The following ZNF208 variants were observed in gnomAD, a reference collection of about 807,000 sequenced individuals.
ZNF208 encodes the protein zinc finger protein 208.
ZNF208 carries 10 observed loss-of-function variants against 12.1 expected under a neutral mutation model. That is an observed-to-expected ratio of 0.83 (90% confidence interval 0.51 to 1.40). The LOEUF (loss-of-function observed/expected upper bound fraction) is 1.40. Ranked by LOEUF, ZNF208 falls within the 40% of genes most tolerant of loss-of-function variation. ZNF208 has a pLI of 0.00. For missense variants in ZNF208, 1,652 were observed against 1,485.0 expected, an observed-to-expected ratio of 1.11 and a Z score of -1.85; for synonymous variants, 497 against 488.4, an observed-to-expected ratio of 1.02 and a Z score of -0.23.
At chr19:21,983,008 A>T (rs1177508367) in intron 3 of ZNF208, among the ~76,000 whole-genome samples, 5 of 152,234 alleles carry the variant, frequency 3.3e-5, no homozygotes, top group Non-Finnish European at 2.9e-5. Context: ...GCCAAAATTG[A>T]CAAATGAAAC....
At chr19:21,979,336 G>T (rs899680546) in intron 3 of ZNF208, among the ~76,000 whole-genome samples, 1 of 152,160 alleles carries the variant, frequency 6.6e-6, no homozygotes, top group Non-Finnish European at 1.5e-5. Flanking sequence ...AGAAAGGTCG[G>T]GTTACCCATA....
chr19:22,009,135 C>CT, intron 1 of ZNF208, among the ~76,000 whole-genome samples: 1 of 152,248 alleles, frequency 6.6e-6, no homozygotes, highest in Non-Finnish European at 1.5e-5. Flanking sequence ...GAAAACAAAT[C>CT]TTTTTAAATG....
intron 1 of ZNF208, chr19:21,998,684 C>T (rs538830388): frequency 2.0e-5 from 3 of 152,228 alleles, no homozygotes; most frequent in African/African-American, 7.2e-5. Context: ...GATCCACCCC[C>T]CTTGGCCTCC....
In ZNF208 at chr19:21,946,793, G is replaced by A. The variant is rs539994219; in HGVS notation, c.306-13556C>T. ...CTGTTCTAATCCAGTTTCCTTTCAC[G>A]AAGGGCCTACCCATTGTGTGGAACA... is the stretch of plus-strand genomic sequence containing the variant. On this transcript the variant is annotated intron_variant, in intron 4 of 4. Coordinates refer to the ZNF208 transcript ENST00000599916. Among the ~76,000 whole-genome samples the A allele has an allele frequency of 2.5e-4, 38 of 152,128 alleles. No individual in the cohort carries two copies. The East Asian group carries it at 2.5e-3, about 10-fold the overall frequency.
intron 3 of ZNF208, chr19:21,986,885 G>A (rs544956859): frequency 2.5e-6 from 1 of 403,562 alleles, no homozygotes; most frequent in African/African-American, 2.1e-5. Flanking sequence ...AGTTTAACAT[G>A]GAGTATCTTA....
intron 1 of ZNF208, among the ~76,000 whole-genome samples, chr19:21,993,835 G>GA (rs199539543): frequency 8.9e-5 from 13 of 146,696 alleles, no homozygotes; most frequent in East Asian, 2.0e-4. Context: ...GTTTGCAGAG[G>GA]AAAAAAAAAA....
downstream of ZNF208, among the ~76,000 whole-genome samples, chr19:21,963,321 T>C (rs10417635): frequency 6.6e-6 from 1 of 152,014 alleles, no homozygotes; most frequent in Non-Finnish European, 1.5e-5. Flanking sequence ...TCCTGGAATA[T>C]TGAAATTTTT....
At chr19:21,962,697 G>A (rs968146027), downstream of ZNF208, among the ~76,000 whole-genome samples, 1 of 152,058 alleles carries the variant, frequency 6.6e-6, no homozygotes, top group Non-Finnish European at 1.5e-5. Context: ...TAGCATGACA[G>A]CAACTTCTCA....
chr19:21,980,122 G>A (rs6511305), intron 3 of ZNF208, among the ~76,000 whole-genome samples: 88,645 of 151,556 alleles, frequency 0.58, 26,161 homozygotes, highest in East Asian at 0.69. Flanking sequence ...CCATACTATA[G>A]TAGTGGGAGA....
At position 21,955,329 on chromosome 19, in the gene ZNF208, T is replaced by G. The variant is rs1050524320; in HGVS notation, c.305+19400A>C. On this transcript the variant is annotated intron_variant, in intron 4 of 4. Coordinates refer to the ZNF208 transcript ENST00000599916. ...TCTTGGAGTTGCTCTTCTTGAGGAG[T>G]ATCTTTGTGGCGTTCTCTGTATTTC... 5.1e-4 allele frequency among the ~76,000 whole-genome samples: 78 copies of G among 152,174 alleles called. 6 individuals are homozygous for G. The highest frequency in any genetic ancestry group is 2.4e-5 in the African/African-American group (1 of 41,424).
intron 4 of ZNF208, among the ~76,000 whole-genome samples, chr19:21,958,451 T>G (rs539303208): frequency 2.0e-5 from 3 of 152,292 alleles, no homozygotes; most frequent in Admixed American, 2.0e-4. Flanking sequence ...CCCAGAGCTT[T>G]CTTTTATCAG....
chr19:22,004,353 T>A (rs974287766), intron 1 of ZNF208, among the ~76,000 whole-genome samples: 3 of 151,788 alleles, frequency 2.0e-5, no homozygotes, highest in African/African-American at 7.3e-5. Flanking sequence ...CCATCTATAC[T>A]AAAAATACAA....
At position 21,974,083 on chromosome 19, in the gene ZNF208, T is replaced by G. The variant is rs1255277114; in HGVS notation, c.951A>C (p.Glu317Asp). ...AGACCTTACTGAAGGCTTTGCCACA[T>G]TCTTTACATTTGTAGGGCTTCTCTC... ...HAGEKPYKCK[E>D]CGKAFSKVST... The change falls in exon 4 of 4, where the codon GAA becomes GAC. Residue 317 changes from glutamate (E) to aspartate (D), a missense_variant. Physicochemically the swap from Glu to Asp is conservative, Grantham distance 45. This residue lies in a region of ZNF208 where 410 missense variants were observed against 378.2 expected (regional missense o/e 1.08). Transcript: ENST00000397126. 1.3e-6 allele frequency: 2 copies of G among 1,538,580 alleles called. No homozygotes were observed. Among genetic ancestry groups the G allele is most frequent in the Admixed American group, 1.8e-5 (1 of 54,998 alleles).
intron 3 of ZNF208, among the ~76,000 whole-genome samples, chr19:21,976,900 C>G (rs967692693): frequency 2.0e-5 from 3 of 151,710 alleles, no homozygotes; most frequent in African/African-American, 7.3e-5. Flanking sequence ...ACTTGCCTTT[C>G]TACAAGAGTC....
At chr19:21,943,326 A>G (rs537755790) in intron 4 of ZNF208, among the ~76,000 whole-genome samples, 1 of 152,336 alleles carries the variant, frequency 6.6e-6, no homozygotes, top group African/African-American at 2.4e-5. Context: ...AAATAAACAA[A>G]AAAATACACT....
intron 3 of ZNF208, among the ~76,000 whole-genome samples, chr19:21,976,471 T>C (rs2145555083): frequency 6.6e-6 from 1 of 152,296 alleles, no homozygotes; most frequent in East Asian, 1.9e-4. Flanking sequence ...TCAAATAGAA[T>C]AGGTAATAAA....
intron 3 of ZNF208, among the ~76,000 whole-genome samples, chr19:21,981,205 T>G (rs573017137): frequency 6.6e-5 from 10 of 152,184 alleles, no homozygotes; most frequent in African/African-American, 2.4e-4. Flanking sequence ...TCTAACTCAT[T>G]TTATGAGGCC....
At chr19:21,961,101 T>C (rs1053436742), downstream of ZNF208, among the ~76,000 whole-genome samples, 6 of 152,214 alleles carry the variant, frequency 3.9e-5, no homozygotes, top group Non-Finnish European at 7.3e-5. Context: ...TCAATTGTTA[T>C]TGGGGGAACC....
In ZNF208 at chr19:21,970,184, TAG is replaced by T. The variant is rs1164749091; in HGVS notation, c.*1005_*1006del. The stretch of plus-strand genomic sequence containing the variant: ...AGCATTGTCACATCTTTCAGGTTTG[TAG>T]AGTCTCTCTTGTGTATGAATTAGCT... On this transcript the variant is annotated 3_prime_UTR_variant, in exon 4 of 4. Transcript: ENST00000397126. Among the ~76,000 whole-genome samples, 1 of 152,222 alleles carries T rather than the reference TAG, an allele frequency of 6.6e-6. No individual in the cohort carries two copies. Among genetic ancestry groups the T allele is most frequent in the East Asian group, 1.9e-4 (1 of 5,194 alleles).
Sources: allele counts gnomAD v4.1 joint callset (sites outside exome capture counted in the v4.1 genomes callset), GRCh38; gene constraint gnomAD v4.1.1; regional missense constraint gnomAD v4.1.1; transcripts MANE v1.5; gene names NCBI Gene and HGNC (gene_info 2026-07-23, HGNC 2026-07-21).